Variants in CNTNAP4 observed in about 807,000 individuals in gnomAD.
The protein encoded by CNTNAP4 is contactin associated protein family member 4, also known as contactin-associated protein-like 4.
CNTNAP4 carries 98 observed loss-of-function variants against 148.4 expected under a neutral mutation model. The observed-to-expected ratio is 0.66, with a 90% CI of 0.56 to 0.78. CNTNAP4 has a LOEUF of 0.78. CNTNAP4 is among the 30% of genes least tolerant of loss of function. CNTNAP4 has a pLI of 0.00. For synonymous variants in CNTNAP4, 730 were observed against 565.1 expected, an observed-to-expected ratio of 1.29 and a Z score of -4.14; for missense variants, 1,935 against 1,565.6, an observed-to-expected ratio of 1.24 and a Z score of -3.98.
intron 5 of CNTNAP4, 85 bp from the exon 6 acceptor site, chr16:76,448,682 A>T (rs2080341303): frequency 4.1e-6 from 4 of 978,806 alleles, no homozygotes; most frequent in Non-Finnish European, 5.9e-6. Flanking sequence ...AATTATTATG[A>T]AAGATGGTGG....
intron 3 of CNTNAP4, among the ~76,000 whole-genome samples, chr16:76,423,473 T>C (rs2079265010): frequency 6.6e-6 from 1 of 152,094 alleles, no homozygotes; most frequent in South Asian, 2.1e-4. Flanking sequence ...AAGGAAGACA[T>C]AAATGTCCCT....
At chr16:76,514,461 T>A (rs370905467) in intron 15 of CNTNAP4, among the ~76,000 whole-genome samples, 15 of 152,224 alleles carry the variant, frequency 9.9e-5, no homozygotes, top group South Asian at 8.3e-4. Context: ...AAAAGAAATA[T>A]CTTCTTCAGT....
chr16:76,548,295 CTTTTTTTTT>C (rs66981960), intron 21 of CNTNAP4, among the ~76,000 whole-genome samples: 1 of 92,908 alleles, frequency 1.1e-5, no homozygotes, highest in Non-Finnish European at 2.1e-5. Context: ...TTCACTGCAC[CTTTTTTTTT>C]TTTTTTTTTT....
Position 76,530,346 on chromosome 16 carries a change from G to A in CNTNAP4, c.2756-5199G>A, listed in dbSNP as rs145786414. 5.9e-4 allele frequency among the ~76,000 whole-genome samples: 89 copies of A among 152,044 alleles called. 1 individual carries two copies. The East Asian group carries it at 0.016, about 27-fold the overall frequency. The stretch of plus-strand genomic sequence containing the variant: ...TAATCAAATTGTTTATCTTAATTAC[G>A]CACTTCTCCCATCCTTGAGGCATCT... On this transcript the variant is annotated intron_variant, in intron 17 of 23. Coordinates refer to ENST00000611870, the MANE Select transcript of CNTNAP4 (RefSeq NM_033401.5).
Position 76,427,614 on chromosome 16 carries a change from A to T in CNTNAP4, c.538+15A>T, listed in dbSNP as rs768836844. On this transcript the variant is annotated intron_variant, in intron 4 of 23. Transcript: ENST00000611870. ...ATGTGCATACAGTAAGTGTTTGTTT[A>T]TCCAATACACTGACATAGATATCAA... 6 of 1,594,910 alleles carry T rather than the reference A, an allele frequency of 3.8e-6. No individual in the cohort carries two copies. Among genetic ancestry groups the T allele is most frequent in the Middle Eastern group, 1.7e-4 (1 of 5,960 alleles).
chr16:76,350,867 T>C (rs2011637473), intron 2 of CNTNAP4, among the ~76,000 whole-genome samples: 2 of 152,210 alleles, frequency 1.3e-5, no homozygotes, highest in Non-Finnish European at 1.5e-5. Flanking sequence ...TCCATTTGAA[T>C]AGATTTATGA....
chr16:76,445,961 A>T (rs533881366), intron 4 of CNTNAP4, among the ~76,000 whole-genome samples: 4 of 152,220 alleles, frequency 2.6e-5, no homozygotes, highest in Admixed American at 2.6e-4. Flanking sequence ...TATTTTTCCC[A>T]TGCGCATTCA....
At chr16:76,388,489 G>A (rs1318575127) in intron 3 of CNTNAP4, among the ~76,000 whole-genome samples, 1 of 152,100 alleles carries the variant, frequency 6.6e-6, no homozygotes, top group Non-Finnish European at 1.5e-5. Context: ...ACATTGATAT[G>A]GATTTCTAGT....
At chr16:76,449,583 T>A (rs2080376376) in intron 6 of CNTNAP4, 132 bp from the exon 7 acceptor site, 2 of 668,546 alleles carry the variant, frequency 3.0e-6, no homozygotes, top group Middle Eastern at 4.3e-4. Context: ...ATCTATATCT[T>A]AATTTTTGTG....
At chr16:76,357,058 AACACACAC>A (rs58020066) in intron 3 of CNTNAP4, among the ~76,000 whole-genome samples, 2 of 147,960 alleles carry the variant, frequency 1.4e-5, no homozygotes, top group Non-Finnish European at 3.0e-5. Flanking sequence ...AACAAAACAA[AACACACAC>A]ACACACACAC....
chr16:76,326,102 A>G (rs1175836836), intron 2 of CNTNAP4, among the ~76,000 whole-genome samples: 2 of 152,252 alleles, frequency 1.3e-5, no homozygotes, highest in Non-Finnish European at 2.9e-5. Context: ...AAAAAAAGTC[A>G]AAATACTCCC....
intron 21 of CNTNAP4, among the ~76,000 whole-genome samples, chr16:76,552,121 C>A (rs2084974971): frequency 1.4e-5 from 2 of 139,372 alleles, no homozygotes; most frequent in South Asian, 2.5e-4. Context: ...AAGCAAAAAC[C>A]TTCTTCACAT....
intron 3 of CNTNAP4, among the ~76,000 whole-genome samples, chr16:76,357,611 C>T (rs189482065): frequency 5.8e-4 from 88 of 152,226 alleles, no homozygotes; most frequent in Middle Eastern, 6.8e-3. Flanking sequence ...CTGTACCTTG[C>T]GATCTTTTAT....
At chr16:76,280,735 T>G (rs1567564183) in intron 1 of CNTNAP4, among the ~76,000 whole-genome samples, 1 of 152,282 alleles carries the variant, frequency 6.6e-6, no homozygotes, top group East Asian at 1.9e-4. Context: ...TTTGAGAAGC[T>G]GCACTGGCTG....
chr16:76,422,796 T>C (rs1435104669), intron 3 of CNTNAP4, among the ~76,000 whole-genome samples: 2 of 152,182 alleles, frequency 1.3e-5, no homozygotes, highest in African/African-American at 4.8e-5. Context: ...AATACATTTC[T>C]GCTATGTCTG....
chr16:76,486,192 C>A (rs1030522840), intron 12 of CNTNAP4, among the ~76,000 whole-genome samples: 1 of 152,186 alleles, frequency 6.6e-6, no homozygotes, highest in Non-Finnish European at 1.5e-5. Context: ...ATCTCTTATT[C>A]ATTTCCCTGT....
At chr16:76,511,660 T>A (rs1306060774) in intron 15 of CNTNAP4, among the ~76,000 whole-genome samples, 1 of 152,188 alleles carries the variant, frequency 6.6e-6, no homozygotes, top group East Asian at 1.9e-4. Context: ...CTTATTGGGT[T>A]TATCTTTTTC....
chr16:76,536,810 CATTT>C (rs1411794634), intron 18 of CNTNAP4, among the ~76,000 whole-genome samples: 2 of 152,090 alleles, frequency 1.3e-5, no homozygotes, highest in Non-Finnish European at 2.9e-5. Context: ...AATATACAAA[CATTT>C]ATTACTCTTT....
At chr16:76,432,406 C>G (rs2079643266) in intron 4 of CNTNAP4, 1 of 152,044 alleles carries the variant, frequency 6.6e-6, no homozygotes, top group South Asian at 2.1e-4. Context: ...AAGTTGTTTC[C>G]TGAGTAATGA....
Sources: gnomAD v4.1 joint callset for allele counts (sites outside exome capture counted in the v4.1 genomes callset) on GRCh38, gnomAD v4.1.1 for gene constraint, MANE v1.5 for transcripts, NCBI Gene and HGNC (gene_info 2026-07-23, HGNC 2026-07-21) for gene names.